Variants in FAM135B observed in about 807,000 individuals in gnomAD.
The protein encoded by FAM135B is protein FAM135B.
FAM135B carries 43 observed loss-of-function variants against 127.7 expected under a neutral mutation model. That is an observed-to-expected ratio of 0.34 (90% CI 0.26 to 0.43). The LOEUF (loss-of-function observed/expected upper bound fraction) is 0.43, where lower values mean the gene tolerates loss of function less well. Among genes scored for constraint, FAM135B ranks in the 20% least tolerant of loss-of-function variants. The probability of loss-of-function intolerance (pLI) is 1.00; values close to 1 mark genes in which losing one functional copy is unlikely to be tolerated. For synonymous variants in FAM135B, 670 were observed against 665.1 expected, an observed-to-expected ratio of 1.01 and a Z score of -0.11; for missense variants, 1,558 against 1,725.6, an observed-to-expected ratio of 0.90 and a Z score of 1.72.
At chr8:138,421,293 A>G (rs1325715017) in intron 1 of FAM135B, among the ~76,000 whole-genome samples, 1 of 152,310 alleles carries the variant, frequency 6.6e-6, no homozygotes, top group East Asian at 1.9e-4. Context: ...AGCCAGGGCA[A>G]CAGAGCGAGA....
rs1373193114 is a variant in FAM135B at position 138,153,231 on chromosome 8, G to C, written c.1259-15C>G. 6.9e-7 allele frequency: 1 copy of C among 1,439,968 alleles called. No individual in the cohort carries two copies. The highest frequency in any genetic ancestry group is 9.4e-7 in the Non-Finnish European group (1 of 1,068,142). 89.2% of individuals were successfully genotyped at this position (1,439,968 alleles called of 1,614,324 possible). A position where few individuals can be genotyped will look rare whatever the true frequency, so the allele number is the denominator to read the frequency against. On this transcript the variant is annotated splice_polypyrimidine_tract_variant and intron_variant, in intron 12 of 19. Coordinates refer to ENST00000395297, the MANE Select transcript of FAM135B (RefSeq NM_015912.4). ...CAAGTTATGCCCTACAAAAAAAAAA[G>C]AAAGAAAATTATATTATAGTGTAAG...
intron 1 of FAM135B, among the ~76,000 whole-genome samples, chr8:138,494,669 C>A (rs1815319224): frequency 6.6e-6 from 1 of 152,090 alleles, no homozygotes; most frequent in Non-Finnish European, 1.5e-5. Context: ...GCAATAAAAT[C>A]AACCTGTCAG....
intron 12 of FAM135B, among the ~76,000 whole-genome samples, chr8:138,161,005 T>C (rs1202690532): frequency 2.0e-5 from 3 of 152,192 alleles, no homozygotes; most frequent in African/African-American, 7.2e-5. Flanking sequence ...GGAACTTAGA[T>C]AAGCTATTAT....
rs2130602348 is a variant in FAM135B at position 138,141,422 on chromosome 8, C to A, written c.3639-73G>T. ...CTGCCCAAGAGTGCAGTGCTGGAAG[C>A]ATCAGGGGCCATTGTTCTCCACCTC... On this transcript the variant is annotated intron_variant, in intron 16 of 19. Coordinates refer to ENST00000395297, the MANE Select transcript of FAM135B (RefSeq NM_015912.4). The surrounding 1 kb of genome is among the most constrained non-coding windows in gnomAD (Gnocchi z 4.7). The A allele has an allele frequency of 6.9e-7, 1 of 1,459,622 alleles. No individual in the cohort carries two copies. The highest frequency in any genetic ancestry group is 1.2e-5 in the South Asian group (1 of 83,112). 90.4% of individuals were successfully genotyped at this position (1,459,622 alleles called of 1,614,324 possible). A position where few individuals can be genotyped will look rare whatever the true frequency, so the allele number is the denominator to read the frequency against.
intron 1 of FAM135B, among the ~76,000 whole-genome samples, chr8:138,428,369 C>T (rs775139498): frequency 6.6e-6 from 1 of 152,074 alleles, no homozygotes; most frequent in Admixed American, 6.6e-5. Flanking sequence ...ACTGAAATTA[C>T]GAACTTTCAG....
chr8:138,405,521 T>C (rs1040470813), intron 1 of FAM135B, among the ~76,000 whole-genome samples: 12 of 151,930 alleles, frequency 7.9e-5, no homozygotes, highest in Admixed American at 3.9e-4. Flanking sequence ...ATTTCATCCA[T>C]GTCCCCACAA....
At chr8:138,364,138 C>G (rs1327100631) in intron 2 of FAM135B, among the ~76,000 whole-genome samples, 1 of 152,136 alleles carries the variant, frequency 6.6e-6, no homozygotes, top group Non-Finnish European at 1.5e-5. Context: ...GTAGCCATGC[C>G]CTCTCCATGG....
chr8:138,163,365 A>G (rs1819587656), intron 12 of FAM135B, among the ~76,000 whole-genome samples: 2 of 152,158 alleles, frequency 1.3e-5, no homozygotes, highest in Admixed American at 6.5e-5. Flanking sequence ...AGACAAAGAC[A>G]GATATTGCAG....
chr8:138,453,978 G>A (rs541426171), intron 1 of FAM135B, among the ~76,000 whole-genome samples: 7 of 152,126 alleles, frequency 4.6e-5, no homozygotes, highest in African/African-American at 1.4e-4. Context: ...CTTGGGGAGA[G>A]TGTGTGGCTT....
intron 2 of FAM135B, among the ~76,000 whole-genome samples, chr8:138,347,777 A>G (rs1829513345): frequency 6.6e-6 from 1 of 152,106 alleles, no homozygotes; most frequent in African/African-American, 2.4e-5. Flanking sequence ...GAGATTCCCC[A>G]ATCTGATCTC....
At chr8:138,256,349 A>G (rs1822087892) in intron 5 of FAM135B, among the ~76,000 whole-genome samples, 1 of 152,200 alleles carries the variant, frequency 6.6e-6, no homozygotes, top group Admixed American at 6.5e-5. Context: ...GGGATTTGCC[A>G]TTTGTAGCCT....
chr8:138,193,706 A>C (rs1816350785), intron 9 of FAM135B, among the ~76,000 whole-genome samples: 1 of 152,128 alleles, frequency 6.6e-6, no homozygotes, highest in South Asian at 2.1e-4. Flanking sequence ...CTGGAAGGAG[A>C]GGCCATCTCA....
chr8:138,149,021 C>G (rs999197648), intron 13 of FAM135B, among the ~76,000 whole-genome samples: 24 of 151,008 alleles, frequency 1.6e-4, no homozygotes, highest in African/African-American at 5.9e-4. Flanking sequence ...AGGAGATATA[C>G]CTAACGTAAA....
chr8:138,494,836 TA>T (rs112803082), intron 1 of FAM135B, among the ~76,000 whole-genome samples: 1,167 of 105,634 alleles, frequency 0.011, 4 homozygotes, highest in African/African-American at 0.044. Flanking sequence ...GTTTATACTG[TA>T]AAAAAAAAAA....
intron 11 of FAM135B, 80 bp from the exon 12 acceptor site, chr8:138,168,129 GA>G: frequency 2.8e-6 from 4 of 1,454,178 alleles, no homozygotes; most frequent in Non-Finnish European, 3.7e-6. Context: ...CTAATCCCGG[GA>G]AAATACTCGG....
chr8:138,393,754 G>A (rs568673033), intron 1 of FAM135B, among the ~76,000 whole-genome samples: 2 of 152,274 alleles, frequency 1.3e-5, no homozygotes, highest in Middle Eastern at 6.8e-3. Context: ...ATCTCTGCAT[G>A]AGTCTCTCCT....
At position 138,167,899 on chromosome 8, in the gene FAM135B, C is replaced by G; in HGVS notation, c.1254G>C (p.Ala418=). Residue 418 remains alanine (A), a synonymous_variant, in exon 12 of 20, where the codon GCG becomes GCC. Transcript: ENST00000395297. ...IFEDRYVDCP[A]TGHNLSVYPN... ...TCCAAAACAAAACAGACAAACCTGTCGCAGGGCAGTCCACGTATCTGTCCT... is the reference window on the plus strand; with the variant it reads ...TCCAAAACAAAACAGACAAACCTGTGGCAGGGCAGTCCACGTATCTGTCCT... The G allele has an allele frequency of 6.2e-7, 1 of 1,609,348 alleles. No individual in the cohort carries two copies. Among genetic ancestry groups the G allele is most frequent in the Non-Finnish European group, 8.5e-7 (1 of 1,177,554 alleles).
At chr8:138,380,914 G>T (rs958284165) in intron 1 of FAM135B, among the ~76,000 whole-genome samples, 1 of 151,940 alleles carries the variant, frequency 6.6e-6, no homozygotes, top group African/African-American at 2.4e-5. Flanking sequence ...CTTACAGGAA[G>T]CTCAGAGATC....
At chr8:138,227,411 C>A (rs149683189) in intron 7 of FAM135B, among the ~76,000 whole-genome samples, 9 of 152,196 alleles carry the variant, frequency 5.9e-5, no homozygotes, top group Non-Finnish European at 1.3e-4. Flanking sequence ...TCCTATCCAG[C>A]CCTGCTGGGA....
Sources: gnomAD v4.1 joint callset for allele counts (sites outside exome capture counted in the v4.1 genomes callset) on GRCh38, gnomAD v4.1.1 for gene constraint, Gnocchi (gnomAD v3.1) non-coding constraint, MANE v1.5 for transcripts, NCBI Gene and HGNC (gene_info 2026-07-23, HGNC 2026-07-21) for gene names.